The following POSTN variants were observed in gnomAD, a reference collection of about 807,000 sequenced individuals.
The protein encoded by POSTN is periostin.
POSTN carries 71 observed loss-of-function variants against 104.5 expected under a neutral mutation model. That is an observed-to-expected ratio of 0.68 (90% CI 0.56 to 0.83). The LOEUF is 0.83. Ranked by LOEUF, POSTN falls within the 40% of genes least tolerant of loss-of-function variation. The pLI is 0.00. For synonymous variants in POSTN, 355 were observed against 340.7 expected, an observed-to-expected ratio of 1.04 and a Z score of -0.46; for missense variants, 949 against 1,006.8, an observed-to-expected ratio of 0.94 and a Z score of 0.78.
At chr13:37,597,309 G>A in intron 1 of POSTN, 27 bp from the exon 2 acceptor site, 1 of 1,451,456 alleles carries the variant, frequency 6.9e-7, no homozygotes, top group South Asian at 1.3e-5. Context: ...AAGGAAAAAA[G>A]TTAATGTCCT....
intron 6 of POSTN, among the ~76,000 whole-genome samples, chr13:37,586,535 T>G (rs966087838): frequency 1.3e-5 from 2 of 152,206 alleles, no homozygotes; most frequent in Admixed American, 1.3e-4. Context: ...TAATAACAGA[T>G]GAACACGTTC....
At chr13:37,597,138 T>C in intron 2 of POSTN, 46 bp downstream of exon 2, 1 of 1,288,508 alleles carries the variant, frequency 7.8e-7, no homozygotes, top group South Asian at 1.4e-5. Context: ...TACATCATGA[T>C]GTTGTTTTTG....
intron 7 of POSTN, among the ~76,000 whole-genome samples, chr13:37,585,304 G>C (rs772426718): frequency 6.6e-6 from 1 of 152,178 alleles, no homozygotes; most frequent in Non-Finnish European, 1.5e-5. Context: ...CACTTTGGGA[G>C]GCCTAGGTGA....
Position 37,578,916 on chromosome 13 carries a change from G to A in POSTN, c.1895-5C>T. The stretch of plus-strand genomic sequence containing the variant: ...GATCATTTCCAACAGGTGTGTCTAT[G>A]AAGAGAAATATTAAATGAATATTGG... On this transcript the variant is annotated splice_polypyrimidine_tract_variant and splice_region_variant and intron_variant, in intron 14 of 22. Coordinates refer to ENST00000379747, the MANE Select transcript of POSTN (RefSeq NM_006475.3). 1 of 1,594,684 alleles carries A rather than the reference G, an allele frequency of 6.3e-7. No homozygotes were observed. The highest frequency in any genetic ancestry group is 1.2e-5 in the South Asian group (1 of 86,638).
At chr13:37,577,677 G>A in intron 16 of POSTN, 76 bp downstream of exon 16, 2 of 1,552,664 alleles carry the variant, frequency 1.3e-6, no homozygotes, top group African/African-American at 2.7e-5. Flanking sequence ...AATAATCTCT[G>A]TAAATACAAA....
chr13:37,591,883 C>G (rs1950945553), intron 3 of POSTN, among the ~76,000 whole-genome samples: 2 of 152,086 alleles, frequency 1.3e-5, no homozygotes, highest in African/African-American at 2.4e-5. Flanking sequence ...AAATTTGTGA[C>G]TAAGTTTCTG....
chr13:37,570,192 A>C (rs1208257385), intron 19 of POSTN, among the ~76,000 whole-genome samples: 1 of 151,826 alleles, frequency 6.6e-6, no homozygotes, highest in Admixed American at 6.6e-5. Flanking sequence ...GCTTTGTATA[A>C]ACTTGCTTCT....
chr13:37,574,514 C>G (rs1397649443), intron 17 of POSTN, 58 bp downstream of exon 17: 2 of 1,519,620 alleles, frequency 1.3e-6, no homozygotes, highest in Non-Finnish European at 1.8e-6. Context: ...TCATAGAGAT[C>G]AGTATTTTTA....
At chr13:37,592,293 C>T (rs563554534) in intron 2 of POSTN, 129 bp from the exon 3 acceptor site, 329 of 627,750 alleles carry the variant, frequency 5.2e-4, no homozygotes, top group Non-Finnish European at 6.6e-4. Flanking sequence ...TTTTTTTCCC[C>T]CCTGATTTTT....
chr13:37,597,155 A>G, intron 2 of POSTN, 29 bp downstream of exon 2: 1 of 1,432,382 alleles, frequency 7.0e-7, no homozygotes, highest in Non-Finnish European at 9.5e-7. Context: ...TTTGGAACTG[A>G]CATATTATGA....
intron 8 of POSTN, among the ~76,000 whole-genome samples, chr13:37,584,477 C>T (rs566201989): frequency 3.3e-5 from 5 of 152,104 alleles, no homozygotes; most frequent in East Asian, 3.9e-4. Context: ...ACTGTGAAAA[C>T]GGTTATAAAT....
intron 12 of POSTN, 94 bp downstream of exon 12, chr13:37,579,767 G>T: frequency 1.5e-6 from 2 of 1,360,928 alleles, no homozygotes; most frequent in African/African-American, 1.5e-5. Flanking sequence ...CAGAGAGGGG[G>T]CATTTTTAAG....
At chr13:37,564,287 A>C (rs1332237737) in intron 22 of POSTN, among the ~76,000 whole-genome samples, 1 of 146,560 alleles carries the variant, frequency 6.8e-6, no homozygotes, top group Non-Finnish European at 1.5e-5. Context: ...AGCAGTTTAC[A>C]TGAGTATGTT....
At position 37,586,843 on chromosome 13, in the gene POSTN, G is replaced by A. The variant is rs1950760922; in HGVS notation, c.692C>T (p.Thr231Ile). Residue 231 changes from threonine (T) to isoleucine (I), a missense_variant, in exon 6 of 23, where the codon ACA (threonine) becomes ATA (isoleucine). By Grantham distance (89) the Thr-to-Ile change is moderately conservative (BLOSUM62 -1). Coordinates refer to ENST00000379747, the MANE Select transcript of POSTN (RefSeq NM_006475.3). ...GTCTTGAATTGAGGTACCAATTTGTGTAAGCACACGGTCAATGACATGGAC... is the reference window on the plus strand; with the variant it reads ...GTCTTGAATTGAGGTACCAATTTGTATAAGCACACGGTCAATGACATGGAC... Reference protein sequence around the residue: ...GVVHVIDRVLTQIGTSIQDFI... With the variant: ...GVVHVIDRVLIQIGTSIQDFI... 1.9e-6 allele frequency: 3 copies of A among 1,612,866 alleles called. No homozygotes were observed. The highest frequency in any genetic ancestry group is 2.5e-6 in the Non-Finnish European group (3 of 1,179,156).
At chr13:37,597,326 G>T in intron 1 of POSTN, 44 bp from the exon 2 acceptor site, 2 of 1,310,154 alleles carry the variant, frequency 1.5e-6, no homozygotes, top group South Asian at 1.3e-5. Context: ...TCCTAATAAT[G>T]ACTAGTTTTT....
intron 10 of POSTN, among the ~76,000 whole-genome samples, chr13:37,581,572 A>T (rs576066279): frequency 3.2e-4 from 48 of 152,194 alleles, no homozygotes; most frequent in Non-Finnish European, 6.3e-4. Context: ...TTAAATTAAA[A>T]AATTAACTAG....
intron 20 of POSTN, 44 bp downstream of exon 20, chr13:37,569,700 T>C (rs1950207377): frequency 1.5e-6 from 2 of 1,327,164 alleles, no homozygotes; most frequent in African/African-American, 1.4e-5. Flanking sequence ...TGTATATGGA[T>C]AGCTTAGGTA....
chr13:37,567,972 C>T (rs761919100), intron 21 of POSTN, among the ~76,000 whole-genome samples: 17 of 151,260 alleles, frequency 1.1e-4, no homozygotes, highest in Admixed American at 3.3e-4. Flanking sequence ...AAAGCACTAC[C>T]ATTCTACAAA....
intron 3 of POSTN, among the ~76,000 whole-genome samples, chr13:37,591,891 C>A (rs190524383): frequency 6.6e-6 from 1 of 152,214 alleles, no homozygotes. Flanking sequence ...GACTAAGTTT[C>A]TGTTGTATTG....
Sources: gnomAD v4.1 joint callset for allele counts (sites outside exome capture counted in the v4.1 genomes callset) on GRCh38, gnomAD v4.1.1 for gene constraint, MANE v1.5 for transcripts, NCBI Gene and HGNC (gene_info 2026-07-23, HGNC 2026-07-21) for gene names.